Variants in EFCAB14 observed in about 807,000 individuals in gnomAD.
EFCAB14 encodes EF-hand calcium binding domain 14, also known as EF-hand calcium-binding domain-containing protein 14.
A neutral mutation model predicts 56.5 loss-of-function variants in EFCAB14; 43 were observed. That is an observed-to-expected ratio of 0.76 (90% confidence interval 0.60 to 0.98). EFCAB14 has a LOEUF of 0.98. EFCAB14 is among the 50% of genes least tolerant of loss of function. The probability of loss-of-function intolerance (pLI) is 0.00; values close to 1 mark genes in which losing one functional copy is unlikely to be tolerated. For missense variants in EFCAB14, 538 were observed against 580.3 expected (o/e 0.93, Z 0.75); for synonymous variants, 235 against 212.9 (o/e 1.10, Z -0.90).
rs1676721232 is a variant in EFCAB14, at chr1:46,677,931, T to C, written c.*530A>G. The C allele has an allele frequency of 6.5e-6, 1 of 152,778 alleles. No homozygotes were observed. Among genetic ancestry groups the C allele is most frequent in the African/African-American group, 2.4e-5 (1 of 41,452 alleles). 9.5% of individuals were successfully genotyped at this position (152,778 alleles called of 1,614,324 possible). On this transcript the variant is annotated 3_prime_UTR_variant, in exon 11 of 11. Coordinates refer to ENST00000371933, the MANE Select transcript of EFCAB14 (RefSeq NM_014774.3). ...GCCACCTACACCAGATCAGCAATTT[T>C]TAATAAGTCATTTGTTCATATCCTG... is the stretch of plus-strand genomic sequence containing the variant.
Position 46,675,302 on chromosome 1 carries a change from G to C in EFCAB14, c.*3159C>G, listed in dbSNP as rs1485328646. On this transcript the variant is annotated 3_prime_UTR_variant, in exon 11 of 11. Coordinates refer to ENST00000371933, the MANE Select transcript of EFCAB14 (RefSeq NM_014774.3). Reference sequence around the variant, plus strand: ...AAATTGCTTATACATTACCAAAATAGCTTCACTAAAACAAAGTAGATTTAA... The same window carrying C: ...AAATTGCTTATACATTACCAAAATACCTTCACTAAAACAAAGTAGATTTAA... The C allele has an allele frequency of 6.6e-6, 1 of 152,538 alleles. No homozygotes were observed. Among genetic ancestry groups the C allele is most frequent in the Non-Finnish European group, 1.5e-5 (1 of 68,022 alleles). 9.4% of individuals were successfully genotyped at this position (152,538 alleles called of 1,614,324 possible). A position where few individuals can be genotyped will look rare whatever the true frequency, so the allele number is the denominator to read the frequency against.
chr1:46,715,326 G>A (rs930594250), intron 2 of EFCAB14, among the ~76,000 whole-genome samples: 3 of 152,110 alleles, frequency 2.0e-5, no homozygotes, highest in African/African-American at 7.2e-5. Context: ...GGGCAGCAAG[G>A]GGCAAGAGGA....
intron 2 of EFCAB14, among the ~76,000 whole-genome samples, chr1:46,716,080 T>C (rs1324985305): frequency 1.3e-5 from 2 of 151,572 alleles, no homozygotes; most frequent in Non-Finnish European, 2.9e-5. Context: ...AAACCCCGTC[T>C]CTACTAAAAA....
intron 3 of EFCAB14, among the ~76,000 whole-genome samples, chr1:46,699,539 T>C (rs1387105848): frequency 1.3e-5 from 2 of 152,228 alleles, no homozygotes. Context: ...TAACACTCTG[T>C]GTCTGGGATG....
intron 3 of EFCAB14, among the ~76,000 whole-genome samples, chr1:46,702,712 TATC>T (rs1481355149): frequency 6.6e-6 from 1 of 152,012 alleles, no homozygotes; most frequent in African/African-American, 2.4e-5. Flanking sequence ...TCGTTTTCTT[TATC>T]ATCATGCTTA....
chr1:46,687,377 T>C (rs1017413415), intron 7 of EFCAB14, among the ~76,000 whole-genome samples: 6 of 152,240 alleles, frequency 3.9e-5, no homozygotes, highest in African/African-American at 1.2e-4. Context: ...GCTCCTTTAA[T>C]CTTCACAGCT....
rs767514722 is a variant in EFCAB14, at chr1:46,716,415, A to T, written c.214T>A (p.Cys72Ser). Residue 72 changes from cysteine to serine, a missense_variant, in exon 2 of 11, where the codon TGT (cysteine) becomes AGT (serine). By Grantham distance (112) the Cys-to-Ser change is moderately radical. Transcript: ENST00000371933. ...KGDYLRCCKI[C>S]YPLCGFVILA... is the part of the protein sequence containing the mutation. The stretch of plus-strand genomic sequence containing the variant: ...ATGACAAAACCACAGAGCGGATAAC[A>T]GATCTTGCAGCATCGTAAATAGTCT... 1 of 1,614,200 alleles carries T rather than the reference A, an allele frequency of 6.2e-7. No individual in the cohort carries two copies. Among genetic ancestry groups the T allele is most frequent in the Non-Finnish European group, 8.5e-7 (1 of 1,180,026 alleles).
chr1:46,683,327 A>T lies in EFCAB14; in HGVS notation c.1285T>A (p.Ser429Thr), dbSNP rs1035742704. The T allele has an allele frequency of 3.1e-6, 5 of 1,614,062 alleles. No individual in the cohort carries two copies. Among genetic ancestry groups the T allele is most frequent in the Non-Finnish European group, 4.2e-6 (5 of 1,179,956 alleles). ...VEKAAQLRPI[S>T]LPGVSSTEDL... is the part of the protein sequence containing the mutation. Reference sequence around the variant, plus strand: ...TCAGTGCTAGAAACTCCTGGTAGGGAGATAGGTCTTAGTTGGGCAGCTTTC... The same window carrying T: ...TCAGTGCTAGAAACTCCTGGTAGGGTGATAGGTCTTAGTTGGGCAGCTTTC... The change falls in exon 10 of 11, where the codon TCC becomes ACC. Residue 429 changes from serine (S) to threonine (T), a missense_variant. Ser to Thr is a moderately conservative substitution (Grantham distance 58). Coordinates refer to ENST00000371933, the MANE Select transcript of EFCAB14 (RefSeq NM_014774.3).
At chr1:46,690,759 A>G (rs1676978113) in intron 5 of EFCAB14, among the ~76,000 whole-genome samples, 1 of 152,184 alleles carries the variant, frequency 6.6e-6, no homozygotes, top group Non-Finnish European at 1.5e-5. Flanking sequence ...CCTCTGGGTT[A>G]GCCCCACTAA....
intron 2 of EFCAB14, among the ~76,000 whole-genome samples, chr1:46,715,872 C>T (rs1677381209): frequency 6.6e-6 from 1 of 152,084 alleles, no homozygotes; most frequent in Non-Finnish European, 1.5e-5. Flanking sequence ...ATAATTGCTT[C>T]ACTAGAATGG....
At position 46,716,404 on chromosome 1, in the gene EFCAB14, G is replaced by A. The variant is rs759088640; in HGVS notation, c.225C>T (p.Leu75=). 1 of 1,614,092 alleles carries A rather than the reference G, an allele frequency of 6.2e-7. No homozygotes were observed. Among genetic ancestry groups the A allele is most frequent in the Non-Finnish European group, 8.5e-7 (1 of 1,180,028 alleles). The change falls in exon 2 of 11, where the codon CTC becomes CTT. Residue 75 remains leucine, a synonymous_variant. Coordinates refer to ENST00000371933, the MANE Select transcript of EFCAB14 (RefSeq NM_014774.3). Reference sequence around the variant, plus strand: ...AGGCAGCAAGGATGACAAAACCACAGAGCGGATAACAGATCTTGCAGCATC... The same window carrying A: ...AGGCAGCAAGGATGACAAAACCACAAAGCGGATAACAGATCTTGCAGCATC... ...YLRCCKICYP[L]CGFVILAACV...
Position 46,718,093 on chromosome 1 carries a change from T to C in EFCAB14, c.-6A>G. 6.2e-7 allele frequency: 1 copy of C among 1,613,294 alleles called. No homozygotes were observed. Among genetic ancestry groups the C allele is most frequent in the Non-Finnish European group, 8.5e-7 (1 of 1,179,410 alleles). ...AGCTCTTTGCGCTTTTTCATCTTTT[T>C]GTGTGGGGTGAGTGGAGCCCCGACT... On this transcript the variant is annotated 5_prime_UTR_variant, in exon 1 of 11. Coordinates refer to ENST00000371933, the MANE Select transcript of EFCAB14 (RefSeq NM_014774.3).
At chr1:46,717,538 C>T (rs1426825710) in intron 1 of EFCAB14, among the ~76,000 whole-genome samples, 2 of 152,084 alleles carry the variant, frequency 1.3e-5, no homozygotes. Flanking sequence ...AATCTGCAGT[C>T]TTAAAGTCTC....
intron 1 of EFCAB14, 95 bp downstream of exon 1, chr1:46,717,808 C>G (rs1009056218): frequency 5.8e-6 from 8 of 1,378,248 alleles, no homozygotes; most frequent in Non-Finnish European, 6.9e-6. Context: ...ACCCTTTTTT[C>G]TTCCTAAGGA....
chr1:46,680,513 C>A (rs1460497935), intron 10 of EFCAB14, among the ~76,000 whole-genome samples: 2 of 152,098 alleles, frequency 1.3e-5, no homozygotes, highest in African/African-American at 4.8e-5. Context: ...GTGAAACACC[C>A]CAAATAGGCA....
At chr1:46,685,338 A>G (rs1676863301) in intron 8 of EFCAB14, among the ~76,000 whole-genome samples, 1 of 152,210 alleles carries the variant, frequency 6.6e-6, no homozygotes, top group African/African-American at 2.4e-5. Flanking sequence ...TGCTTAGATG[A>G]GTGTGAAAGG....
In EFCAB14 at chr1:46,688,464, G is replaced by C. The variant is rs767328854; in HGVS notation, c.876C>G (p.Leu292=). The C allele has an allele frequency of 1.2e-6, 2 of 1,613,844 alleles. No homozygotes were observed. Among genetic ancestry groups the C allele is most frequent in the Admixed American group, 1.7e-5 (1 of 59,980 alleles). Reference sequence around the variant, plus strand: ...TACTGACTGTCTCGTTCATTCCCTCGAGTTTAAGATCATTCTGTCTCTGGT... The same window carrying C: ...TACTGACTGTCTCGTTCATTCCCTCCAGTTTAAGATCATTCTGTCTCTGGT... ...VGYQRQNDLK[L]EGMNETVSNL... is the part of the protein sequence containing the mutation. The change falls in exon 7 of 11, where the codon CTC becomes CTG. Residue 292 remains leucine (L), a synonymous_variant. Coordinates refer to ENST00000371933, the MANE Select transcript of EFCAB14 (RefSeq NM_014774.3).
chr1:46,675,353 G>A lies in EFCAB14; in HGVS notation c.*3108C>T, dbSNP rs1002484579. The A allele has an allele frequency of 1.3e-5, 2 of 152,532 alleles. No individual in the cohort carries two copies. Among genetic ancestry groups the A allele is most frequent in the African/African-American group, 2.4e-5 (1 of 41,404 alleles). The allele number at this position is 152,532 out of a possible 1,614,324, so 9.4% of individuals were successfully genotyped here. A position where few individuals can be genotyped will look rare whatever the true frequency, so the allele number is the denominator to read the frequency against. The stretch of plus-strand genomic sequence containing the variant: ...ATTTCTTAATATGAGAAAACAACAA[G>A]GTAGGTTAGGTTCGTATAACAAACA... On this transcript the variant is annotated 3_prime_UTR_variant, in exon 11 of 11. Transcript: ENST00000371933.
chr1:46,711,569 G>A (rs1677308687), intron 2 of EFCAB14, among the ~76,000 whole-genome samples: 1 of 152,086 alleles, frequency 6.6e-6, no homozygotes, highest in Admixed American at 6.5e-5. Flanking sequence ...GTCAAGTAGA[G>A]GTACTTTTAT....
Sources: gnomAD v4.1 joint callset for allele counts (sites outside exome capture counted in the v4.1 genomes callset) on GRCh38, gnomAD v4.1.1 for gene constraint, MANE v1.5 for transcripts, NCBI Gene and HGNC (gene_info 2026-07-23, HGNC 2026-07-21) for gene names.